DGLUCY: variants seen among roughly 807,000 people sequenced by gnomAD.
The protein encoded by DGLUCY is D-glutamate cyclase.
DGLUCY carries 58 observed loss-of-function variants against 58.5 expected under a neutral mutation model. That is an observed-to-expected ratio of 0.99 (90% CI 0.80 to 1.23). The LOEUF is 1.23. Among genes scored for constraint, DGLUCY ranks in the 50% most tolerant of loss-of-function variants. The pLI is 0.00. For synonymous variants in DGLUCY, 325 were observed against 314.1 expected (o/e 1.03, Z -0.37); for missense variants, 779 against 784.7 (o/e 0.99, Z 0.09).
intron 1 of DGLUCY, among the ~76,000 whole-genome samples, chr14:91,149,172 G>A (rs1480878022): frequency 3.3e-5 from 5 of 149,324 alleles, no homozygotes; most frequent in African/African-American, 9.9e-5. Flanking sequence ...ACTTGAACCC[G>A]TGCGGCGGAG....
chr14:91,205,828 CCTTTCTTCTTCTTCTTTTTTTTTTTT>C (rs1473891028), intron 12 of DGLUCY, among the ~76,000 whole-genome samples: 1 of 131,006 alleles, frequency 7.6e-6, no homozygotes, highest in Admixed American at 8.0e-5. Flanking sequence ...CCTCCTCCTC[CCTTTCTTCTTCTTCTTTTTTTTTTTT>C]TTTTTTTTTT....
At chr14:91,158,621 A>G (rs972243656) in intron 2 of DGLUCY, among the ~76,000 whole-genome samples, 1 of 152,188 alleles carries the variant, frequency 6.6e-6, no homozygotes, top group Non-Finnish European at 1.5e-5. Flanking sequence ...AGGCTTGTCC[A>G]GAACCCTCAC....
upstream of DGLUCY, among the ~76,000 whole-genome samples, chr14:91,107,408 C>T (rs2044611180): frequency 6.6e-6 from 1 of 151,948 alleles, no homozygotes; most frequent in Non-Finnish European, 1.5e-5. Context: ...ATCCCAGCTA[C>T]TTGGGAGGCT....
chr14:91,196,744 TA>T (rs146566022), intron 10 of DGLUCY, among the ~76,000 whole-genome samples: 1,429 of 94,814 alleles, frequency 0.015, 25 homozygotes, highest in African/African-American at 0.054. Flanking sequence ...GACATAGCAC[TA>T]AAAAAAAAAA....
chr14:91,181,505 AT>A, intron 8 of DGLUCY, 116 bp downstream of exon 8: 1 of 1,038,426 alleles, frequency 9.6e-7, no homozygotes, highest in Non-Finnish European at 1.4e-6. Flanking sequence ...CCACAGGATG[AT>A]TTTTTAAATG....
chr14:91,062,047 T>A (rs536331798), intron 1 of DGLUCY, among the ~76,000 whole-genome samples: 1 of 152,278 alleles, frequency 6.6e-6, no homozygotes, highest in South Asian at 2.1e-4. Flanking sequence ...GGCCAGATAG[T>A]AAATATTTTA....
At chr14:91,199,276 T>C (rs2050405117) in intron 10 of DGLUCY, among the ~76,000 whole-genome samples, 2 of 151,740 alleles carry the variant, frequency 1.3e-5, no homozygotes, top group African/African-American at 4.8e-5. Context: ...TTTTTTTTTT[T>C]CAAGACAGAG....
intron 1 of DGLUCY, among the ~76,000 whole-genome samples, chr14:91,096,244 T>A (rs754103626): frequency 1.3e-5 from 2 of 151,984 alleles, no homozygotes; most frequent in Admixed American, 6.6e-5. Flanking sequence ...CAAAACCCCG[T>A]TTCTACTAAA....
chr14:91,131,530 A>G (rs2046023488), intron 1 of DGLUCY, among the ~76,000 whole-genome samples: 2 of 151,826 alleles, frequency 1.3e-5, no homozygotes, highest in South Asian at 2.1e-4. Flanking sequence ...GGTTTGTTAC[A>G]TATGTATACA....
chr14:91,220,129 C>T (rs1016387151), intron 13 of DGLUCY, among the ~76,000 whole-genome samples: 8 of 152,316 alleles, frequency 5.3e-5, no homozygotes, highest in Non-Finnish European at 1.0e-4. Context: ...GTAAAAACAT[C>T]GGGCCTGCCT....
chr14:91,134,612 A>G (rs2046220358), intron 1 of DGLUCY, among the ~76,000 whole-genome samples: 1 of 151,828 alleles, frequency 6.6e-6, no homozygotes, highest in Non-Finnish European at 1.5e-5. Context: ...TAATTTTTGT[A>G]TTTTTAGTAG....
At chr14:91,180,552 A>T (rs1231273838) in intron 7 of DGLUCY, among the ~76,000 whole-genome samples, 10 of 150,596 alleles carry the variant, frequency 6.6e-5, no homozygotes, top group Admixed American at 2.0e-4. Context: ...AGCCTGGGTG[A>T]CACAACAAGA....
chr14:91,063,552 G>A (rs2043767809), intron 1 of DGLUCY, among the ~76,000 whole-genome samples: 1 of 152,176 alleles, frequency 6.6e-6, no homozygotes, highest in South Asian at 2.1e-4. Context: ...ACCGTTTTAG[G>A]CATAAGCTAG....
Position 91,204,726 on chromosome 14 carries a change from G to A in DGLUCY, c.1465G>A (p.Glu489Lys), listed in dbSNP as rs367885678. 1.1e-5 allele frequency: 18 copies of A among 1,613,890 alleles called. No homozygotes were observed. The highest frequency in any genetic ancestry group is 2.2e-5 in the East Asian group (1 of 44,888). The change falls in exon 12 of 14, where the codon GAG (glutamate) becomes AAG (lysine). Residue 489 changes from glutamate (E) to lysine (K), a missense_variant. Coordinates refer to ENST00000256324, the MANE Select transcript of DGLUCY (RefSeq NM_001102368.3). ...SSTGVGDGGN[E>K]LGMGKVKEAV... The stretch of plus-strand genomic sequence containing the variant: ...TTCAGGAGTCGGTGATGGAGGCAAC[G>A]AGCTTGGGATGGGTAAAGTCAAGGA...
Position 91,167,248 on chromosome 14 carries a change from G to T in DGLUCY, c.127G>T (p.Val43Phe), listed in dbSNP as rs763577798. 23 of 1,606,706 alleles carry T rather than the reference G, an allele frequency of 1.4e-5. No homozygotes were observed. The highest frequency in any genetic ancestry group is 1.9e-5 in the Non-Finnish European group (22 of 1,178,118). Residue 43 changes from valine to phenylalanine, a missense_variant, in exon 4 of 14, where the codon GTC becomes TTC. By Grantham distance (50) the Val-to-Phe change is conservative (BLOSUM62 -1). Coordinates refer to ENST00000256324, the MANE Select transcript of DGLUCY (RefSeq NM_001102368.3). ...AGAGCTCCGACCAGCCAGCCTGGTG[G>T]TCCTGCCCAGGTCCCTTGCTCCAGC... Reference protein sequence around the residue: ...AGELRPASLVVLPRSLAPAFE... With the variant: ...AGELRPASLVFLPRSLAPAFE...
intron 1 of DGLUCY, among the ~76,000 whole-genome samples, chr14:91,093,632 C>G (rs2044348185): frequency 6.6e-6 from 1 of 152,004 alleles, no homozygotes; most frequent in Non-Finnish European, 1.5e-5. Context: ...TGGCAAAACC[C>G]TATCTCTACT....
intron 3 of DGLUCY, among the ~76,000 whole-genome samples, chr14:91,161,010 T>C (rs1445670461): frequency 6.6e-6 from 1 of 152,242 alleles, no homozygotes; most frequent in Non-Finnish European, 1.5e-5. Flanking sequence ...TATTAATATG[T>C]CTGGCCTCTG....
intron 3 of DGLUCY, among the ~76,000 whole-genome samples, chr14:91,164,898 C>T (rs926975842): frequency 2.6e-5 from 4 of 152,232 alleles, no homozygotes; most frequent in African/African-American, 7.2e-5. Context: ...GGTAGCAAAA[C>T]CAGCCAGGCC....
At chr14:91,092,993 A>T (rs913245611) in intron 1 of DGLUCY, among the ~76,000 whole-genome samples, 1 of 151,842 alleles carries the variant, frequency 6.6e-6, no homozygotes, top group African/African-American at 2.4e-5. Context: ...CTGAGGCAGG[A>T]GACTCACTTG....
Sources: allele counts gnomAD v4.1 joint callset (sites outside exome capture counted in the v4.1 genomes callset), GRCh38; gene constraint gnomAD v4.1.1; transcripts MANE v1.5; gene names NCBI Gene and HGNC (gene_info 2026-07-23, HGNC 2026-07-21).